The following PDGFB variants were observed in gnomAD, a reference collection of about 807,000 sequenced individuals.
PDGFB encodes the protein platelet derived growth factor subunit B.
Under a neutral mutation model 29.0 loss-of-function variants are expected in PDGFB, and 6 were observed. That is an observed-to-expected ratio of 0.21 (90% CI 0.11 to 0.41). The LOEUF (loss-of-function observed/expected upper bound fraction) is 0.41. Among genes scored for constraint, PDGFB ranks in the 10% least tolerant of loss-of-function variants. The pLI is 1.00. For synonymous variants in PDGFB, 144 were observed against 140.8 expected (o/e 1.02, Z -0.16); for missense variants, 299 against 341.8 (o/e 0.87, Z 0.99).
In PDGFB at chr22:39,244,060, G is replaced by A. The variant is rs966782431; in HGVS notation, c.-97C>T. On this transcript the variant is annotated 5_prime_UTR_variant, in exon 1 of 7. Coordinates refer to ENST00000331163, the MANE Select transcript of PDGFB (RefSeq NM_002608.4). The surrounding 1 kb of genome is among the most constrained non-coding windows in gnomAD (Gnocchi z 4.5). ...GGGGGCTGGGGAGGGGGGTGGGCTCGGCTCGGGTCCGCGGCGATCAGGCGC... is the reference window on the plus strand; with the variant it reads ...GGGGGCTGGGGAGGGGGGTGGGCTCAGCTCGGGTCCGCGGCGATCAGGCGC... 2.0e-5 allele frequency: 12 copies of A among 596,742 alleles called. No homozygotes were observed. The Admixed American group carries it at 2.1e-4, about 10-fold the overall frequency. 37.0% of individuals were successfully genotyped at this position (596,742 alleles called of 1,614,324 possible).
At chr22:39,228,893 A>AAAAAAAAAAT (rs1184799325) in intron 5 of PDGFB, among the ~76,000 whole-genome samples, 26 of 132,604 alleles carry the variant, frequency 2.0e-4, no homozygotes, top group African/African-American at 3.9e-4. Flanking sequence ...CCTCAAAAAA[A>AAAAAAAAAAT]ATATATATAT....
At chr22:39,226,287 G>A (rs1006467181) in intron 5 of PDGFB, among the ~76,000 whole-genome samples, 4 of 152,202 alleles carry the variant, frequency 2.6e-5, no homozygotes, top group Non-Finnish European at 5.9e-5. Flanking sequence ...CAGACGTGGT[G>A]CCGTGCCAGT....
Position 39,224,345 on chromosome 22 carries a change from A to T in PDGFB, c.*997T>A, listed in dbSNP as rs1267061022. On this transcript the variant is annotated 3_prime_UTR_variant, in exon 7 of 7. Coordinates refer to ENST00000331163, the MANE Select transcript of PDGFB (RefSeq NM_002608.4). ...CTCCCTGCATACAATGTCCTTGTGC[A>T]GTACACACCCTGCACAACCTTACAT... 6.6e-6 allele frequency: 1 copy of T among 152,358 alleles called. No individual in the cohort carries two copies. The highest frequency in any genetic ancestry group is 1.5e-5 in the Non-Finnish European group (1 of 68,052). The allele number at this position is 152,358 out of a possible 1,614,324, so 9.4% of individuals were successfully genotyped here. A position where few individuals can be genotyped will look rare whatever the true frequency, so the allele number is the denominator to read the frequency against.
intron 4 of PDGFB, 116 bp from the exon 5 acceptor site, chr22:39,230,344 GC>G (rs1932269512): frequency 2.4e-5 from 25 of 1,032,026 alleles, no homozygotes; most frequent in Non-Finnish European, 3.7e-5. Context: ...TTCCTCGAAA[GC>G]CCGGAGAGCA....
chr22:39,227,866 C>G (rs1017327232), intron 5 of PDGFB, among the ~76,000 whole-genome samples: 1 of 152,206 alleles, frequency 6.6e-6, no homozygotes, highest in Non-Finnish European at 1.5e-5. Context: ...AGGCAGCTCT[C>G]CCATCTCTGC....
rs576917036 is a variant in PDGFB, at chr22:39,232,695, G to A, written c.250+740C>T. ...AATAGAGACAGGGTTTCACCATGTC[G>A]GTCAGGATGATCTCCATCTCTTGAC... On this transcript the variant is annotated intron_variant, in intron 3 of 6. Coordinates refer to ENST00000331163, the MANE Select transcript of PDGFB (RefSeq NM_002608.4). Among the ~76,000 whole-genome samples, 45 of 152,148 alleles carry A rather than the reference G, an allele frequency of 3.0e-4. 1 individual carries two copies. The highest frequency in any genetic ancestry group is 1.5e-3 in the South Asian group (7 of 4,816).
In PDGFB at chr22:39,243,923, T is replaced by A; in HGVS notation, c.41A>T (p.Tyr14Phe). ...CWALFLSLCC[Y>F]LRLVSAEGDP... is the part of the protein sequence containing the mutation. ...CACCTCGGCGCTGACCAGACGCAGG[T>A]AGCAGCAGAGAGACAGGAAGAGCGC... The change falls in exon 1 of 7, where the codon TAC becomes TTC. Residue 14 changes from tyrosine to phenylalanine, a missense_variant. By Grantham distance (22) the Tyr-to-Phe change is conservative. Transcript: ENST00000331163. This position sits in a 1 kb window ranked among gnomAD's most constrained non-coding sequence, Gnocchi z 6.4. The A allele has an allele frequency of 6.2e-7, 1 of 1,606,110 alleles. No homozygotes were observed. The highest frequency in any genetic ancestry group is 1.1e-5 in the South Asian group (1 of 90,176).
chr22:39,242,954 C>G lies in PDGFB; in HGVS notation c.63+947G>C, dbSNP rs1932603693. 4.3e-6 allele frequency: 1 copy of G among 233,174 alleles called. No homozygotes were observed. Among genetic ancestry groups the G allele is most frequent in the East Asian group, 6.0e-5 (1 of 16,566 alleles). 14.4% of individuals were successfully genotyped at this position (233,174 alleles called of 1,614,324 possible). Reference sequence around the variant, plus strand: ...GATTCCGGGTAGACTTGCCAACTCACGGCTACGTGAGGCTGGGAGGGGTGG... The same window carrying G: ...GATTCCGGGTAGACTTGCCAACTCAGGGCTACGTGAGGCTGGGAGGGGTGG... On this transcript the variant is annotated intron_variant, in intron 1 of 6. Coordinates refer to ENST00000331163, the MANE Select transcript of PDGFB (RefSeq NM_002608.4). The surrounding 1 kb of genome is among the most constrained non-coding windows in gnomAD (Gnocchi z 5.7).
intron 5 of PDGFB, among the ~76,000 whole-genome samples, chr22:39,229,389 G>A (rs1342170435): frequency 6.6e-6 from 1 of 152,074 alleles, no homozygotes; most frequent in East Asian, 1.9e-4. Flanking sequence ...TCACAATGCT[G>A]CCAATTCCAC....
rs1210719352 is a variant in PDGFB at position 39,231,004 on chromosome 22, T to G, written c.456+618A>C. Reference sequence around the variant, plus strand: ...CCTCTACTCTAGAATTTTCCCTGAGTCCAGTGTATGTATCCCCCGTCCCTC... The same window carrying G: ...CCTCTACTCTAGAATTTTCCCTGAGGCCAGTGTATGTATCCCCCGTCCCTC... On this transcript the variant is annotated intron_variant, in intron 4 of 6. Transcript: ENST00000331163. This position sits in a 1 kb window ranked among gnomAD's most constrained non-coding sequence, Gnocchi z 4.3. 6.6e-6 allele frequency among the ~76,000 whole-genome samples: 1 copy of G among 152,174 alleles called. No individual in the cohort carries two copies.
chr22:39,238,723 T>G (rs944574547), intron 1 of PDGFB, among the ~76,000 whole-genome samples: 1 of 152,234 alleles, frequency 6.6e-6, no homozygotes, highest in Non-Finnish European at 1.5e-5. Flanking sequence ...CTAAGGCCAC[T>G]GGCCCTCAGC....
In PDGFB at chr22:39,242,948, A is replaced by G. The variant is rs1193488799; in HGVS notation, c.63+953T>C. 2.1e-5 allele frequency: 5 copies of G among 232,790 alleles called. No individual in the cohort carries two copies. The highest frequency in any genetic ancestry group is 3.4e-5 in the Non-Finnish European group (4 of 117,836). The allele number at this position is 232,790 out of a possible 1,614,324, so 14.4% of individuals were successfully genotyped here. On this transcript the variant is annotated intron_variant, in intron 1 of 6. Coordinates refer to ENST00000331163, the MANE Select transcript of PDGFB (RefSeq NM_002608.4). This position sits in a 1 kb window ranked among gnomAD's most constrained non-coding sequence, Gnocchi z 5.7. Reference sequence around the variant, plus strand: ...CACCTGGATTCCGGGTAGACTTGCCAACTCACGGCTACGTGAGGCTGGGAG... The same window carrying G: ...CACCTGGATTCCGGGTAGACTTGCCGACTCACGGCTACGTGAGGCTGGGAG...
chr22:39,232,831 G>A (rs1421067336), intron 3 of PDGFB, among the ~76,000 whole-genome samples: 1 of 152,208 alleles, frequency 6.6e-6, no homozygotes, highest in Non-Finnish European at 1.5e-5. Context: ...GCCTCTAACT[G>A]CAGTGTTTTG....
Position 39,233,518 on chromosome 22 carries a change from T to A in PDGFB, c.167A>T (p.Asp56Val). Residue 56 changes from aspartate to valine, a missense_variant, in exon 3 of 7, where the codon GAT becomes GTT. Asp to Val is a radical substitution (Grantham distance 152). Transcript: ENST00000331163. ...CATGTTCAGGTCCAACTCGGCCCCA[T>A]CTTCCTCTGCAGGAGAAGTCACAGT... ...RLLHGDPGEE[D>V]GAELDLNMTR... 1 of 1,587,534 alleles carries A rather than the reference T, an allele frequency of 6.3e-7. No homozygotes were observed. Among genetic ancestry groups the A allele is most frequent in the South Asian group, 1.1e-5 (1 of 87,044 alleles).
chr22:39,228,161 C>T (rs992471382), intron 5 of PDGFB, among the ~76,000 whole-genome samples: 1 of 127,162 alleles, frequency 7.9e-6, no homozygotes, highest in African/African-American at 3.4e-5. Flanking sequence ...ACAGAAACAC[C>T]GTCATACTCA....
chr22:39,232,216 C>T (rs1807751038), intron 3 of PDGFB, among the ~76,000 whole-genome samples: 1 of 152,220 alleles, frequency 6.6e-6, no homozygotes, highest in Non-Finnish European at 1.5e-5. Context: ...ATGCAGGTAC[C>T]ATATTAGCTC....
At position 39,244,000 on chromosome 22, in the gene PDGFB, C is replaced by G. The variant is rs762111594; in HGVS notation, c.-37G>C. The G allele has an allele frequency of 1.4e-5, 18 of 1,289,714 alleles. No individual in the cohort carries two copies. Among genetic ancestry groups the G allele is most frequent in the Non-Finnish European group, 1.9e-5 (18 of 972,124 alleles). 79.9% of individuals were successfully genotyped at this position (1,289,714 alleles called of 1,614,324 possible). On this transcript the variant is annotated 5_prime_UTR_variant, in exon 1 of 7. Coordinates refer to ENST00000331163, the MANE Select transcript of PDGFB (RefSeq NM_002608.4). The surrounding 1 kb of genome is among the most constrained non-coding windows in gnomAD (Gnocchi z 6.4). ...GCCCGGCCCCGCGGGGCCCCGGACG[C>G]GTAGATCGAGCGCGCCGCCCCCGCG... is the stretch of plus-strand genomic sequence containing the variant.
At chr22:39,227,764 A>C (rs1932202379) in intron 5 of PDGFB, among the ~76,000 whole-genome samples, 1 of 152,204 alleles carries the variant, frequency 6.6e-6, no homozygotes, top group African/African-American at 2.4e-5. Flanking sequence ...TGCTGAGCTC[A>C]AGGCCAGCCA....
In PDGFB at chr22:39,225,051, C is replaced by T. The variant is rs764439213; in HGVS notation, c.*291G>A. The T allele has an allele frequency of 6.1e-4, 93 of 153,192 alleles. 1 individual carries two copies. Among genetic ancestry groups the T allele is most frequent in the Non-Finnish European group, 1.2e-3 (81 of 68,306 alleles). 9.5% of individuals were successfully genotyped at this position (153,192 alleles called of 1,614,324 possible). Reference sequence around the variant, plus strand: ...AGAGCGACCCCATCAGTCTCTCTCACACTCTTATCCCAAGTTCTTGGAGTT... The same window carrying T: ...AGAGCGACCCCATCAGTCTCTCTCATACTCTTATCCCAAGTTCTTGGAGTT... On this transcript the variant is annotated 3_prime_UTR_variant, in exon 7 of 7. Transcript: ENST00000331163.
Sources: allele counts gnomAD v4.1 joint callset (sites outside exome capture counted in the v4.1 genomes callset), GRCh38; gene constraint gnomAD v4.1.1; non-coding constraint Gnocchi (gnomAD v3.1); transcripts MANE v1.5; gene names NCBI Gene and HGNC (gene_info 2026-07-23, HGNC 2026-07-21).